The following UGT2A1 variants were observed in gnomAD, a reference collection of about 807,000 sequenced individuals.
UGT2A1 encodes the protein UDP glucuronosyltransferase family 2 member A1 complex locus.
UGT2A1 carries 61 observed loss-of-function variants against 45.4 expected under a neutral mutation model. That is an observed-to-expected ratio of 1.34 (90% CI 1.09 to 1.66). The LOEUF (loss-of-function observed/expected upper bound fraction) is 1.66. Among genes scored for constraint, UGT2A1 ranks in the 40% most tolerant of loss-of-function variants. The pLI, the probability that UGT2A1 is intolerant of heterozygous loss-of-function variation, is 0.00. For missense variants in UGT2A1, 649 were observed against 574.3 expected, an observed-to-expected ratio of 1.13 and a Z score of -1.33; for synonymous variants, 229 against 196.2, an observed-to-expected ratio of 1.17 and a Z score of -1.40.
chr4:69,632,034 C>T (rs542037052), intron 3 of UGT2A1, among the ~76,000 whole-genome samples: 8 of 152,000 alleles, frequency 5.3e-5, no homozygotes, highest in Admixed American at 2.0e-4. Flanking sequence ...TTTCTTTATT[C>T]CTAAAATTGT....
At chr4:69,652,088 GCC>G (rs931332499) in intron 1 of UGT2A1, among the ~76,000 whole-genome samples, 8 of 152,000 alleles carry the variant, frequency 5.3e-5, no homozygotes, top group Non-Finnish European at 1.2e-4. Context: ...TCTGCCTGAT[GCC>G]CCCCAGTCAA....
rs199765285 is a variant in UGT2A1 at position 69,589,548 on chromosome 4, C to G, written c.1408G>C (p.Gly470Arg). The G allele has an allele frequency of 6.2e-7, 1 of 1,614,062 alleles. No homozygotes were observed. The highest frequency in any genetic ancestry group is 8.5e-7 in the Non-Finnish European group (1 of 1,179,966). The change falls in exon 7 of 7, where the codon GGA becomes CGA. Residue 470 changes from glycine (G) to arginine (R), a missense_variant. Physicochemically the swap from Gly to Arg is moderately radical, Grantham distance 125. Transcript: ENST00000286604. The stretch of plus-strand genomic sequence containing the variant: ...GCTGCAACCCGAAGGTGCTTGGCTC[C>G]TTTGTGGCGCATGACAAACTCGATC... ...FWIEFVMRHKGAKHLRVAAHD... is the reference protein window; with the variant it reads ...FWIEFVMRHKRAKHLRVAAHD...
chr4:69,607,154 C>A (rs996894710), intron 3 of UGT2A1, among the ~76,000 whole-genome samples: 1 of 147,866 alleles, frequency 6.8e-6, no homozygotes, highest in Non-Finnish European at 1.5e-5. Context: ...CATCACACTA[C>A]CTGACTTCAA....
intron 3 of UGT2A1, among the ~76,000 whole-genome samples, chr4:69,635,018 C>G (rs182029862): frequency 2.6e-5 from 4 of 151,954 alleles, no homozygotes; most frequent in Non-Finnish European, 4.4e-5. Flanking sequence ...ATGGATACCC[C>G]GTACTCCAGG....
intron 1 of UGT2A1, among the ~76,000 whole-genome samples, chr4:69,650,097 T>G (rs184171109): frequency 3.3e-5 from 5 of 152,212 alleles, no homozygotes; most frequent in African/African-American, 1.2e-4. Flanking sequence ...GTGGAAAACT[T>G]TCCCCTTTCA....
intron 3 of UGT2A1, among the ~76,000 whole-genome samples, chr4:69,608,136 C>T (rs868667002): frequency 9.2e-5 from 14 of 152,210 alleles, no homozygotes; most frequent in South Asian, 2.1e-4. Context: ...TTTATTGCAG[C>T]GCTATTCACA....
chr4:69,611,159 T>G (rs375246353), intron 3 of UGT2A1, among the ~76,000 whole-genome samples: 9 of 151,788 alleles, frequency 5.9e-5, no homozygotes, highest in African/African-American at 2.2e-4. Context: ...TTTGTTTTAT[T>G]TTTTGAGACA....
At chr4:69,607,431 A>G (rs1438822008) in intron 3 of UGT2A1, among the ~76,000 whole-genome samples, 4 of 152,156 alleles carry the variant, frequency 2.6e-5, no homozygotes, top group Middle Eastern at 3.4e-3. Flanking sequence ...AGCTGGATTA[A>G]AGACTTACAT....
chr4:69,649,007 G>A (rs1395394017), intron 1 of UGT2A1, among the ~76,000 whole-genome samples: 2 of 151,938 alleles, frequency 1.3e-5, no homozygotes, highest in Non-Finnish European at 1.5e-5. Flanking sequence ...ATTGTGTAAC[G>A]CACATTGGAT....
rs1292305895 is a variant in UGT2A1 at position 69,592,186 on chromosome 4, G to A, written c.1304+2291C>T. On this transcript the variant is annotated intron_variant, in intron 6 of 6. Transcript: ENST00000286604. ...TAAGAAAAAGCACTAAATTCCATCC[G>A]AGTTTACCTTCTCCTCTCCTGAATC... 9.9e-5 allele frequency among the ~76,000 whole-genome samples: 15 copies of A among 152,158 alleles called. No homozygotes were observed. In the East Asian group the frequency reaches 1.4e-3, roughly 14 times the overall value.
At chr4:69,646,551 C>T (rs1722268499) in intron 2 of UGT2A1, among the ~76,000 whole-genome samples, 1 of 151,722 alleles carries the variant, frequency 6.6e-6, no homozygotes, top group Admixed American at 6.6e-5. Flanking sequence ...ATATTAATGT[C>T]TGTATTAATA....
rs1174625163 is a variant in UGT2A1 at position 69,643,274 on chromosome 4, G to A, written c.715+3656C>T. 3.3e-5 allele frequency among the ~76,000 whole-genome samples: 5 copies of A among 151,610 alleles called. No individual in the cohort carries two copies. The East Asian group carries it at 7.8e-4, about 24-fold the overall frequency. ...GCTAAACACATTGAAAAGAAGAAAA[G>A]CGTTCAAGAAAAATTTAACCTAAAA... On this transcript the variant is annotated intron_variant, in intron 2 of 6. Coordinates refer to ENST00000286604, the MANE Select transcript of UGT2A1 (RefSeq NM_001252275.3).
Position 69,604,530 on chromosome 4 carries a change from A to T in UGT2A1, c.848-5136T>A, listed in dbSNP as rs187517415. ...GCATCAACTAATGAGCAAAATAACT[A>T]GCTAACATCATAATGACAGGATCAA... On this transcript the variant is annotated intron_variant, in intron 3 of 6. Coordinates refer to ENST00000286604, the MANE Select transcript of UGT2A1 (RefSeq NM_001252275.3). Among the ~76,000 whole-genome samples, 2 of 136,824 alleles carry T rather than the reference A, an allele frequency of 1.5e-5. 1 individual carries two copies. Among genetic ancestry groups the T allele is most frequent in the African/African-American group, 5.9e-5 (2 of 33,866 alleles). 89.8% of individuals were successfully genotyped at this position (136,824 alleles called of 152,430 possible).
chr4:69,594,398 T>C (rs1718782123), intron 6 of UGT2A1, 79 bp downstream of exon 6: 1 of 1,530,700 alleles, frequency 6.5e-7, no homozygotes, highest in African/African-American at 1.4e-5. Context: ...ATTACAAAAG[T>C]ATAAAAGAAT....
intron 3 of UGT2A1, among the ~76,000 whole-genome samples, chr4:69,601,153 A>C (rs1209382692): frequency 6.6e-6 from 1 of 151,960 alleles, no homozygotes; most frequent in African/African-American, 2.4e-5. Flanking sequence ...TGCTACACAT[A>C]CTCCCCATGT....
intron 3 of UGT2A1, among the ~76,000 whole-genome samples, chr4:69,627,215 A>C (rs28568390): frequency 0.041 from 6,196 of 151,892 alleles, 152 homozygotes; most frequent in East Asian, 0.069. Flanking sequence ...ATGTTTACCT[A>C]TTTGATAAGT....
chr4:69,643,230 A>G (rs1321898344), intron 2 of UGT2A1, among the ~76,000 whole-genome samples: 1 of 151,682 alleles, frequency 6.6e-6, no homozygotes, highest in Non-Finnish European at 1.5e-5. Context: ...GGCAAGAAAT[A>G]GAATAGCAGA....
chr4:69,643,000 T>G (rs1290376856), intron 2 of UGT2A1, among the ~76,000 whole-genome samples: 2 of 151,528 alleles, frequency 1.3e-5, no homozygotes, highest in Non-Finnish European at 3.0e-5. Context: ...TTGAAATGCA[T>G]AAAAATTCAA....
intron 6 of UGT2A1, among the ~76,000 whole-genome samples, chr4:69,591,973 G>A (rs1440759569): frequency 2.0e-5 from 3 of 152,106 alleles, no homozygotes; most frequent in South Asian, 2.1e-4. Flanking sequence ...CAACATGTAC[G>A]TATTAATAAA....
Sources: allele counts gnomAD v4.1 joint callset (sites outside exome capture counted in the v4.1 genomes callset), GRCh38; gene constraint gnomAD v4.1.1; transcripts MANE v1.5; gene names NCBI Gene and HGNC (gene_info 2026-07-23, HGNC 2026-07-21).